GPC5: variants seen among roughly 807,000 people sequenced by gnomAD.
The protein encoded by GPC5 is glypican-5.
A neutral mutation model predicts 53.9 loss-of-function variants in GPC5; 47 were observed. The observed-to-expected ratio is 0.87, with a 90% CI of 0.69 to 1.11. GPC5 has a LOEUF of 1.11. GPC5 is among the 50% of genes most tolerant of loss of function. The pLI, the probability that GPC5 is intolerant of heterozygous loss-of-function variation, is 0.00. For synonymous variants in GPC5, 286 were observed against 263.3 expected, an observed-to-expected ratio of 1.09 and a Z score of -0.84; for missense variants, 748 against 713.1, an observed-to-expected ratio of 1.05 and a Z score of -0.56.
intron 5 of GPC5, among the ~76,000 whole-genome samples, chr13:91,899,957 A>G (rs1281905556): frequency 3.3e-5 from 5 of 152,162 alleles, no homozygotes; most frequent in African/African-American, 4.8e-5. Flanking sequence ...CTAGGCGACT[A>G]CTACATTCTA....
At chr13:92,094,244 C>T (rs1480293981) in intron 6 of GPC5, among the ~76,000 whole-genome samples, 3 of 152,006 alleles carry the variant, frequency 2.0e-5, no homozygotes, top group Admixed American at 1.3e-4. Context: ...CGGCCGGGCA[C>T]GGTGGCTCAC....
At chr13:91,851,674 C>T (rs1197335536) in intron 5 of GPC5, among the ~76,000 whole-genome samples, 3 of 127,520 alleles carry the variant, frequency 2.4e-5, no homozygotes, top group African/African-American at 9.0e-5. Flanking sequence ...CAACAGTCCC[C>T]AGAGTGTGAT....
intron 7 of GPC5, among the ~76,000 whole-genome samples, chr13:92,581,502 G>T (rs1883367175): frequency 6.6e-6 from 1 of 151,944 alleles, no homozygotes; most frequent in African/African-American, 2.4e-5. Flanking sequence ...CCATATTTTA[G>T]CTCTTGTGAT....
At chr13:92,850,866 C>A (rs1353894551) in intron 7 of GPC5, among the ~76,000 whole-genome samples, 1 of 152,166 alleles carries the variant, frequency 6.6e-6, no homozygotes, top group Non-Finnish European at 1.5e-5. Context: ...TTAAATCTAT[C>A]TACCTACTTA....
chr13:92,300,039 A>G (rs978460699), intron 7 of GPC5, among the ~76,000 whole-genome samples: 2 of 152,186 alleles, frequency 1.3e-5, no homozygotes, highest in Admixed American at 1.3e-4. Context: ...TAATTGATTA[A>G]TCTCTCCATA....
chr13:91,927,432 A>C (rs911880287), intron 6 of GPC5, among the ~76,000 whole-genome samples: 3 of 152,140 alleles, frequency 2.0e-5, no homozygotes, highest in Non-Finnish European at 2.9e-5. Flanking sequence ...AAAATTTAGA[A>C]TTCTGCATTA....
intron 7 of GPC5, among the ~76,000 whole-genome samples, chr13:92,757,147 G>T (rs1176973939): frequency 6.6e-6 from 1 of 152,008 alleles, no homozygotes. Context: ...TAGATCAATG[G>T]AACAGAACAG....
chr13:92,380,538 T>C (rs2043730129), intron 7 of GPC5, among the ~76,000 whole-genome samples: 1 of 151,990 alleles, frequency 6.6e-6, no homozygotes, highest in Non-Finnish European at 1.5e-5. Flanking sequence ...CCAACCCAAA[T>C]GTCCAACAAT....
At position 91,864,298 on chromosome 13, in the gene GPC5, A is replaced by G. The variant is rs555165220; in HGVS notation, c.1281-43639A>G. The stretch of plus-strand genomic sequence containing the variant: ...TGACTTTTACTTTTGCTAATTATTG[A>G]TAAATTCACATGTAAATAAGGTTTA... On this transcript the variant is annotated intron_variant, in intron 5 of 7. Transcript: ENST00000377067. Among the ~76,000 whole-genome samples the G allele has an allele frequency of 3.3e-5, 5 of 152,358 alleles. No individual in the cohort carries two copies. In the South Asian group the frequency reaches 1.0e-3, roughly 32 times the overall value.
intron 6 of GPC5, among the ~76,000 whole-genome samples, chr13:92,015,956 A>T (rs2040703183): frequency 6.6e-6 from 1 of 152,220 alleles, no homozygotes; most frequent in Non-Finnish European, 1.5e-5. Flanking sequence ...CTTCTGGATG[A>T]TGGGTGCATT....
chr13:91,763,756 A>C (rs1335984916), intron 5 of GPC5, among the ~76,000 whole-genome samples: 1 of 152,090 alleles, frequency 6.6e-6, no homozygotes, highest in African/African-American at 2.4e-5. Context: ...TATTTCATTG[A>C]TAGTCCCTAA....
intron 7 of GPC5, among the ~76,000 whole-genome samples, chr13:92,308,679 C>T (rs756406244): frequency 1.3e-5 from 2 of 152,030 alleles, no homozygotes; most frequent in Non-Finnish European, 2.9e-5. Context: ...ATTCAGTTAT[C>T]TTTTCCAGTT....
chr13:92,204,545 C>T (rs1244941311), intron 7 of GPC5, among the ~76,000 whole-genome samples: 1 of 152,198 alleles, frequency 6.6e-6, no homozygotes, highest in African/African-American at 2.4e-5. Flanking sequence ...GTCCACACAA[C>T]ACTACCCTCT....
At chr13:92,752,843 C>A (rs978585761) in intron 7 of GPC5, among the ~76,000 whole-genome samples, 1 of 152,170 alleles carries the variant, frequency 6.6e-6, no homozygotes, top group African/African-American at 2.4e-5. Flanking sequence ...GGACCTACGC[C>A]CAGGGAGTCT....
chr13:91,554,713 ACT>A (rs2030845635), intron 2 of GPC5, among the ~76,000 whole-genome samples: 1 of 151,924 alleles, frequency 6.6e-6, no homozygotes, highest in African/African-American at 2.4e-5. Context: ...AGCTTGTTAG[ACT>A]CTGTCGTGGT....
chr13:91,634,060 C>T (rs886181623), intron 2 of GPC5, among the ~76,000 whole-genome samples: 1 of 152,092 alleles, frequency 6.6e-6, no homozygotes, highest in Non-Finnish European at 1.5e-5. Flanking sequence ...CAGTTGGTGT[C>T]AAGCTTGCGT....
chr13:92,449,947 T>TA (rs1273596201), intron 7 of GPC5, among the ~76,000 whole-genome samples: 4 of 151,948 alleles, frequency 2.6e-5, no homozygotes, highest in African/African-American at 7.3e-5. Flanking sequence ...TTCAACCCTT[T>TA]AAAAAAAATC....
chr13:91,890,803 A>T (rs749549460), intron 5 of GPC5, among the ~76,000 whole-genome samples: 1 of 152,172 alleles, frequency 6.6e-6, no homozygotes, highest in Non-Finnish European at 1.5e-5. Flanking sequence ...AAATCAAATG[A>T]TTTTTATCCT....
chr13:91,761,527 C>A (rs922020975), intron 5 of GPC5, among the ~76,000 whole-genome samples: 1 of 152,144 alleles, frequency 6.6e-6, no homozygotes, highest in South Asian at 2.1e-4. Context: ...GAACTTCTGA[C>A]CAACTGGCTT....
Sources: allele counts gnomAD v4.1 joint callset (sites outside exome capture counted in the v4.1 genomes callset), GRCh38; gene constraint gnomAD v4.1.1; transcripts MANE v1.5; gene names NCBI Gene and HGNC (gene_info 2026-07-23, HGNC 2026-07-21).